The following DST variants were observed in gnomAD, a reference collection of about 807,000 sequenced individuals.
The protein encoded by DST is bullous pemphigoid antigen.
Under a neutral mutation model 875.2 loss-of-function variants are expected in DST, and 253 were observed. The ratio of observed to expected loss-of-function variants is 0.29; its 90% confidence interval spans 0.26 to 0.32. The LOEUF is 0.32. DST is among the 10% of genes least tolerant of loss of function. The probability of loss-of-function intolerance (pLI) is 1.00; values close to 1 mark genes in which losing one functional copy is unlikely to be tolerated. For missense variants in DST, 8,287 were observed against 9,111.6 expected (o/e 0.91, Z 3.68); for synonymous variants, 3,124 against 3,197.1 (o/e 0.98, Z 0.77).
At chr6:56,843,492 G>T in intron 4 of DST, 1 of 988,048 alleles carries the variant, frequency 1.0e-6, no homozygotes, top group Non-Finnish European at 1.2e-6. Flanking sequence ...GGCGAGGGCG[G>T]GCGGGGGCCG....
intron 102 of DST, 144 bp from the exon 103 acceptor site, chr6:56,460,398 A>T: frequency 1.5e-6 from 1 of 681,402 alleles, no homozygotes; most frequent in South Asian, 3.1e-5. Flanking sequence ...CAATTAAATA[A>T]GGCATGGGGT....
intron 2 of DST, among the ~76,000 whole-genome samples, chr6:56,944,290 C>T (rs1326343001): frequency 6.6e-6 from 1 of 151,974 alleles, no homozygotes; most frequent in Non-Finnish European, 1.5e-5. Flanking sequence ...TACTGAGCTT[C>T]ACTATGTGTC....
intron 34 of DST, among the ~76,000 whole-genome samples, chr6:56,625,975 A>T (rs1008146973): frequency 2.6e-4 from 37 of 141,936 alleles, no homozygotes; most frequent in African/African-American, 8.9e-4. Context: ...TAAAAAGTAA[A>T]AAAAAAAAAA....
At chr6:56,494,204 A>T (rs994035704) in intron 82 of DST, 24 bp from the exon 83 acceptor site, 1 of 1,574,698 alleles carries the variant, frequency 6.4e-7, no homozygotes, top group Admixed American at 1.8e-5. Flanking sequence ...CCCTCAAGTT[A>T]TATCACTTTA....
intron 86 of DST, among the ~76,000 whole-genome samples, chr6:56,488,122 TAC>T (rs1035056257): frequency 4.6e-5 from 7 of 152,236 alleles, no homozygotes; most frequent in Non-Finnish European, 7.3e-5. Context: ...ACATTATTTC[TAC>T]AGTTATCCAT....
At chr6:56,470,902 T>C (rs1263415455) in intron 95 of DST, among the ~76,000 whole-genome samples, 3 of 151,968 alleles carry the variant, frequency 2.0e-5, no homozygotes, top group African/African-American at 7.3e-5. Context: ...GAACAACATA[T>C]CTGTGATTAC....
intron 2 of DST, among the ~76,000 whole-genome samples, chr6:56,946,157 G>C (rs752655973): frequency 2.0e-5 from 3 of 152,154 alleles, no homozygotes; most frequent in Non-Finnish European, 2.9e-5. Context: ...GAGAGAGCCA[G>C]GGCCAGAAAG....
At chr6:56,774,830 T>C (rs1342611400) in intron 4 of DST, among the ~76,000 whole-genome samples, 1 of 151,814 alleles carries the variant, frequency 6.6e-6, no homozygotes, top group Non-Finnish European at 1.5e-5. Context: ...CCATCTCTAC[T>C]AAAAATACAA....
chr6:56,528,959 A>G, intron 66 of DST, 34 bp from the exon 67 acceptor site: 1 of 1,346,884 alleles, frequency 7.4e-7, no homozygotes, highest in African/African-American at 1.4e-5. Context: ...ATGTGGGGGG[A>G]AAAACATTTA....
intron 5 of DST, among the ~76,000 whole-genome samples, chr6:56,704,660 G>A (rs1051504588): frequency 6.6e-6 from 1 of 152,096 alleles, no homozygotes; most frequent in Non-Finnish European, 1.5e-5. Context: ...TTCAAATACG[G>A]ACAATGCCCT....
chr6:56,505,505 G>C (rs1347810202), intron 77 of DST, among the ~76,000 whole-genome samples: 2 of 151,326 alleles, frequency 1.3e-5, no homozygotes, highest in Non-Finnish European at 2.9e-5. Flanking sequence ...GAAGAGGGAG[G>C]GAGAATATAA....
At chr6:56,557,656 CT>C in intron 58 of DST, 138 bp from the exon 59 acceptor site, 1 of 710,048 alleles carries the variant, frequency 1.4e-6, no homozygotes, top group Non-Finnish European at 2.3e-6. Flanking sequence ...TACATAGTTA[CT>C]TAAAGGACTA....
chr6:56,502,133 G>A (rs1287785580), intron 78 of DST, among the ~76,000 whole-genome samples: 2 of 152,000 alleles, frequency 1.3e-5, no homozygotes, highest in African/African-American at 4.8e-5. Context: ...TGTATCCCCT[G>A]ATAATTTTAT....
intron 88 of DST, 122 bp from the exon 89 acceptor site, chr6:56,482,999 TA>T (rs2095447606): frequency 1.5e-6 from 1 of 648,126 alleles, no homozygotes. Context: ...TACAGTTTAA[TA>T]ACCATATTTC....
intron 37 of DST, among the ~76,000 whole-genome samples, chr6:56,612,761 G>GC (rs2098555464): frequency 6.6e-6 from 1 of 152,174 alleles, no homozygotes; most frequent in Non-Finnish European, 1.5e-5. Context: ...TTCTTAGACA[G>GC]TTATAATTAA....
At chr6:56,553,707 A>G (rs1244885356) in intron 60 of DST, 52 bp from the exon 61 acceptor site, 7 of 1,513,956 alleles carry the variant, frequency 4.6e-6, no homozygotes, top group Non-Finnish European at 6.2e-6. Flanking sequence ...TGTTAATTTA[A>G]TCTATGAAAA....
At chr6:56,521,204 C>T (rs1179139522) in intron 69 of DST, among the ~76,000 whole-genome samples, 1 of 151,880 alleles carries the variant, frequency 6.6e-6, no homozygotes, top group Non-Finnish European at 1.5e-5. Flanking sequence ...GCATGTAAAG[C>T]TACAGGTAAA....
intron 3 of DST, among the ~76,000 whole-genome samples, chr6:56,883,019 C>T (rs546857763): frequency 1.3e-5 from 2 of 152,324 alleles, no homozygotes; most frequent in African/African-American, 4.8e-5. Flanking sequence ...AGGTGCGTGC[C>T]ACCACACCCA....
At position 56,555,966 on chromosome 6, in the gene DST, C is replaced by T; in HGVS notation, c.14641-126G>A. ...GTTTTTGTTTTTTAGTTATCACTTT[C>T]CTACTTTTTACTTAAAGGGCAGTAC... On this transcript the variant is annotated intron_variant, in intron 59 of 103. Coordinates refer to ENST00000680361, the MANE Select transcript of DST (RefSeq NM_001374736.1). 5 of 1,003,244 alleles carry T rather than the reference C, an allele frequency of 5.0e-6. No homozygotes were observed. The South Asian group carries it at 1.3e-4, about 27-fold the overall frequency. The allele number at this position is 1,003,244 out of a possible 1,614,324, so 62.1% of individuals were successfully genotyped here.
Sources: allele counts gnomAD v4.1 joint callset (sites outside exome capture counted in the v4.1 genomes callset), GRCh38; gene constraint gnomAD v4.1.1; transcripts MANE v1.5; gene names NCBI Gene and HGNC (gene_info 2026-07-23, HGNC 2026-07-21).